The following TACC2 variants were observed in gnomAD, a reference collection of about 807,000 sequenced individuals.
The protein encoded by TACC2 is transforming acidic coiled-coil containing protein 2.
TACC2 carries 137 observed loss-of-function variants against 227.3 expected under a neutral mutation model. The observed-to-expected ratio is 0.60, with a 90% confidence interval of 0.52 to 0.69. The LOEUF (loss-of-function observed/expected upper bound fraction) is 0.69, where lower values mean the gene tolerates loss of function less well. TACC2 is among the 30% of genes least tolerant of loss of function. The pLI is 0.00. For missense variants in TACC2, 3,470 were observed against 3,694.4 expected, an observed-to-expected ratio of 0.94 and a Z score of 1.57; for synonymous variants, 1,523 against 1,487.5, an observed-to-expected ratio of 1.02 and a Z score of -0.55.
intron 10 of TACC2, among the ~76,000 whole-genome samples, chr10:122,216,005 G>T (rs1593453271): frequency 6.6e-6 from 1 of 152,148 alleles, no homozygotes; most frequent in East Asian, 1.9e-4. Context: ...GTATGTTAGG[G>T]CTAATTTCTG....
intron 5 of TACC2, among the ~76,000 whole-genome samples, chr10:122,114,955 C>G (rs769031666): frequency 6.6e-6 from 1 of 152,204 alleles, no homozygotes; most frequent in East Asian, 1.9e-4. Flanking sequence ...ATCAAGGTTT[C>G]GTTTTACAGA....
intron 7 of TACC2, among the ~76,000 whole-genome samples, chr10:122,178,884 C>G (rs2093852797): frequency 6.6e-6 from 1 of 152,092 alleles, no homozygotes; most frequent in South Asian, 2.1e-4. Context: ...CTCAACAAAA[C>G]AAAACACAGG....
intron 22 of TACC2, 22 bp downstream of exon 22, chr10:122,249,686 C>T (rs1182716501): frequency 3.7e-6 from 6 of 1,601,890 alleles, no homozygotes; most frequent in African/African-American, 1.3e-5. Context: ...GGGGTGTGGC[C>T]TCCAGGTGGG....
chr10:122,114,502 C>T (rs915644009), intron 5 of TACC2, among the ~76,000 whole-genome samples: 14 of 152,300 alleles, frequency 9.2e-5, no homozygotes, highest in Non-Finnish European at 1.5e-4. Flanking sequence ...TCAGGCCAGG[C>T]GGGAGGGCCT....
chr10:122,222,693 T>C (rs982944135), intron 11 of TACC2, among the ~76,000 whole-genome samples: 6 of 152,130 alleles, frequency 3.9e-5, no homozygotes, highest in African/African-American at 1.4e-4. Flanking sequence ...AGTGGGACAC[T>C]TTAGTGAGGC....
At chr10:122,192,724 C>T (rs956229331) in intron 7 of TACC2, 11 of 456,580 alleles carry the variant, frequency 2.4e-5, no homozygotes, top group East Asian at 1.4e-4. Flanking sequence ...GGAATGGGCC[C>T]GGTGGATGTG....
intron 4 of TACC2, 142 bp downstream of exon 4, chr10:122,088,101 T>C (rs1415601148): frequency 1.1e-6 from 1 of 911,888 alleles, no homozygotes; most frequent in East Asian, 2.9e-5. Context: ...ATGAACCTGC[T>C]TACCCCCTCT....
chr10:122,178,243 T>C (rs55957744), intron 7 of TACC2, among the ~76,000 whole-genome samples: 674 of 128,994 alleles, frequency 5.2e-3, no homozygotes, highest in East Asian at 9.4e-3. Flanking sequence ...TTCTTTCTTT[T>C]TTTTTTTTTT....
At chr10:122,114,982 C>CA (rs1329915484) in intron 5 of TACC2, among the ~76,000 whole-genome samples, 1 of 152,232 alleles carries the variant, frequency 6.6e-6, no homozygotes, top group Non-Finnish European at 1.5e-5. Context: ...AAGAGAGACT[C>CA]AAAGAAGTCC....
At chr10:122,154,839 A>G (rs187309872) in intron 7 of TACC2, among the ~76,000 whole-genome samples, 2 of 152,312 alleles carry the variant, frequency 1.3e-5, no homozygotes, top group African/African-American at 2.4e-5. Flanking sequence ...TACTCTGCCC[A>G]CGGACTTTAT....
rs576354306 is a variant in TACC2, at chr10:122,141,398, C to T, written c.5700-2174C>T. Among the ~76,000 whole-genome samples, 9 of 152,004 alleles carry T rather than the reference C, an allele frequency of 5.9e-5. No homozygotes were observed. The highest frequency in any genetic ancestry group is 1.0e-4 in the Non-Finnish European group (7 of 68,002). On this transcript the variant is annotated intron_variant, in intron 6 of 22. Transcript: ENST00000369005. This position sits in a 1 kb window ranked among gnomAD's most constrained non-coding sequence, Gnocchi z 4.3. ...ACACTTGTTTGATGCCTTTGGCTAA[C>T]GGGACCCAGCCAGCGCAGGAAGGGT...
intron 7 of TACC2, among the ~76,000 whole-genome samples, chr10:122,177,864 A>G (rs1332509605): frequency 6.6e-6 from 1 of 152,110 alleles, no homozygotes; most frequent in Non-Finnish European, 1.5e-5. Flanking sequence ...TGAGGAGGTG[A>G]AGGAGCAGCA....
At chr10:122,145,816 C>T (rs970703939) in intron 7 of TACC2, among the ~76,000 whole-genome samples, 22 of 152,152 alleles carry the variant, frequency 1.4e-4, no homozygotes, top group Non-Finnish European at 2.2e-4. Context: ...GTCTTTCTTT[C>T]CTGAGGTCAG....
rs769447853 is a variant in TACC2, at chr10:122,082,657, G to T, written c.157G>T (p.Val53Phe). 1 of 1,606,476 alleles carries T rather than the reference G, an allele frequency of 6.2e-7. No homozygotes were observed. Among genetic ancestry groups the T allele is most frequent in the African/African-American group, 1.3e-5 (1 of 74,598 alleles). The change falls in exon 4 of 23, where the codon GTT becomes TTT. Residue 53 changes from valine (V) to phenylalanine (F), a missense_variant. By Grantham distance (50) the Val-to-Phe change is conservative (BLOSUM62 -1). Around this residue, in one of 10 missense-constraint regions of TACC2, gnomAD observed 405 missense variants for 389.6 expected, o/e 1.04. Coordinates refer to ENST00000369005, the MANE Select transcript of TACC2 (RefSeq NM_206862.4). ...ATTAAATATTTTCAGCATTGGCAGCGTTGGGCTTGGAGGCTTCTGCACCGC... is the reference window on the plus strand; with the variant it reads ...ATTAAATATTTTCAGCATTGGCAGCTTTGGGCTTGGAGGCTTCTGCACCGC... ...DHRDASSIGS[V>F]GLGGFCTASE...
intron 5 of TACC2, among the ~76,000 whole-genome samples, chr10:122,105,193 G>A (rs2082609874): frequency 2.0e-5 from 3 of 152,186 alleles, no homozygotes; most frequent in Admixed American, 2.0e-4. Flanking sequence ...TCAGATGTAT[G>A]AACTTTGATT....
At position 122,229,439 on chromosome 10, in the gene TACC2, C is replaced by G; in HGVS notation, c.7990C>G (p.Pro2664Ala). 6.2e-7 allele frequency: 1 copy of G among 1,614,048 alleles called. No individual in the cohort carries two copies. Among genetic ancestry groups the G allele is most frequent in the Non-Finnish European group, 8.5e-7 (1 of 1,180,012 alleles). The change falls in exon 15 of 23, where the codon CCC becomes GCC. Residue 2664 changes from proline to alanine, a missense_variant. Physicochemically the swap from Pro to Ala is conservative, Grantham distance 27 (BLOSUM62 -1). Around this residue, in one of 10 missense-constraint regions of TACC2, gnomAD observed 345 missense variants for 354.4 expected, o/e 0.97. Transcript: ENST00000369005. ...CTGTGGTGCACTTGACTATCTGGAG[C>G]CCGACTTAGCAGAAAAGAACCCCCC... ...SLCGALDYLE[P>A]DLAEKNPPLF... is the part of the protein sequence containing the mutation.
chr10:122,129,860 A>C (rs1458946322), intron 5 of TACC2, among the ~76,000 whole-genome samples: 1 of 152,226 alleles, frequency 6.6e-6, no homozygotes, highest in African/African-American at 2.4e-5. Context: ...AGAATGGAGA[A>C]TAAGCAGTAG....
chr10:122,187,931 C>T (rs1054497933), intron 7 of TACC2, among the ~76,000 whole-genome samples: 17 of 152,208 alleles, frequency 1.1e-4, no homozygotes, highest in Non-Finnish European at 2.2e-4. Context: ...GGTGTCTTGC[C>T]TAAGGTCATG....
At chr10:121,990,717 C>G (rs1952992875) in intron 1 of TACC2, among the ~76,000 whole-genome samples, 1 of 152,166 alleles carries the variant, frequency 6.6e-6, no homozygotes, top group Non-Finnish European at 1.5e-5. Flanking sequence ...CTCTCATCAG[C>G]TAATGTGCCT....
Sources: gnomAD v4.1 joint callset for allele counts (sites outside exome capture counted in the v4.1 genomes callset) on GRCh38, gnomAD v4.1.1 for gene constraint, gnomAD v4.1.1 regional missense constraint, Gnocchi (gnomAD v3.1) non-coding constraint, MANE v1.5 for transcripts, NCBI Gene and HGNC (gene_info 2026-07-23, HGNC 2026-07-21) for gene names.